DSCAM: variants seen among roughly 807,000 people sequenced by gnomAD.
DSCAM encodes the protein cell adhesion molecule DSCAM.
Under a neutral mutation model 217.7 loss-of-function variants are expected in DSCAM, and 47 were observed. The ratio of observed to expected loss-of-function variants is 0.22; its 90% CI spans 0.17 to 0.28. The LOEUF (loss-of-function observed/expected upper bound fraction) is 0.28. Among genes scored for constraint, DSCAM ranks in the 10% least tolerant of loss-of-function variants. The pLI is 1.00. For missense variants in DSCAM, 2,080 were observed against 2,618.3 expected, an observed-to-expected ratio of 0.79 and a Z score of 4.49; for synonymous variants, 1,056 against 1,015.3, an observed-to-expected ratio of 1.04 and a Z score of -0.76.
Position 40,306,836 on chromosome 21 carries a change from C to T in DSCAM, c.2062+5245G>A, listed in dbSNP as rs1471935723. On this transcript the variant is annotated intron_variant, in intron 9 of 32. Coordinates refer to ENST00000400454, the MANE Select transcript of DSCAM (RefSeq NM_001389.5). ...AAGCTTTTTGATGTGCTGCTGGATT[C>T]GGTTTGCCAGTATTTTATTGAGGAT... Among the ~76,000 whole-genome samples, 31 of 151,378 alleles carry T rather than the reference C, an allele frequency of 2.0e-4. No homozygotes were observed. In the East Asian group the frequency reaches 3.1e-3, roughly 15 times the overall value.
chr21:40,441,023 C>T (rs1357579588), intron 3 of DSCAM, among the ~76,000 whole-genome samples: 1 of 152,152 alleles, frequency 6.6e-6, no homozygotes, highest in Non-Finnish European at 1.5e-5. Flanking sequence ...CTTCTTTCCC[C>T]CAACCCCAAG....
At chr21:40,788,162 G>C (rs746030043) in intron 1 of DSCAM, among the ~76,000 whole-genome samples, 1 of 152,188 alleles carries the variant, frequency 6.6e-6, no homozygotes, top group Non-Finnish European at 1.5e-5. Flanking sequence ...TGAAATGAAT[G>C]CATGTTATTC....
At chr21:40,784,358 C>T (rs531893196) in intron 1 of DSCAM, among the ~76,000 whole-genome samples, 5 of 152,126 alleles carry the variant, frequency 3.3e-5, no homozygotes, top group Admixed American at 6.5e-5. Flanking sequence ...CCGTGTAAGG[C>T]GTGCCTTTCA....
chr21:40,827,831 T>C (rs2091982589), intron 1 of DSCAM, among the ~76,000 whole-genome samples: 1 of 152,200 alleles, frequency 6.6e-6, no homozygotes, highest in African/African-American at 2.4e-5. Flanking sequence ...CAAGCTGTGT[T>C]TGAGGCAAGT....
chr21:40,471,823 T>C (rs2075890936), intron 3 of DSCAM, among the ~76,000 whole-genome samples: 2 of 152,242 alleles, frequency 1.3e-5, no homozygotes, highest in Non-Finnish European at 2.9e-5. Flanking sequence ...CTTTAAGTTC[T>C]AGGGTACATG....
Position 40,814,251 on chromosome 21 carries a change from C to A in DSCAM, c.43+32368G>T, listed in dbSNP as rs570385567. 2.0e-5 allele frequency among the ~76,000 whole-genome samples: 3 copies of A among 152,348 alleles called. No homozygotes were observed. The South Asian group carries it at 6.2e-4, about 32-fold the overall frequency. ...GCGCATGAAGAACCGCAGAACCATG[C>A]AGACTCTCTGGCTCTGCACAGGTCC... On this transcript the variant is annotated intron_variant, in intron 1 of 32. Coordinates refer to ENST00000400454, the MANE Select transcript of DSCAM (RefSeq NM_001389.5).
intron 20 of DSCAM, among the ~76,000 whole-genome samples, chr21:40,096,681 G>A (rs1378971767): frequency 6.6e-6 from 1 of 151,758 alleles, no homozygotes; most frequent in Non-Finnish European, 1.5e-5. Flanking sequence ...AAGATACTCA[G>A]TGAATTCTAG....
intron 3 of DSCAM, among the ~76,000 whole-genome samples, chr21:40,628,692 GCTATCTATCTATCTATCTATCTAT>G (rs60453786): frequency 0.32 from 47,374 of 149,652 alleles, 7,841 homozygotes; most frequent in Non-Finnish European, 0.35. Flanking sequence ...ATAAGCACTT[GCTATCTATCTATCTATCTATCTAT>G]CTATCTATCT....
At chr21:40,219,448 G>A (rs889434380) in intron 11 of DSCAM, among the ~76,000 whole-genome samples, 4 of 152,108 alleles carry the variant, frequency 2.6e-5, no homozygotes, top group African/African-American at 4.8e-5. Context: ...ATTGAATTAG[G>A]CTGATGCACC....
intron 3 of DSCAM, among the ~76,000 whole-genome samples, chr21:40,639,689 A>ATGTG (rs56796261): frequency 0.21 from 31,947 of 150,272 alleles, 3,552 homozygotes; most frequent in South Asian, 0.25. Flanking sequence ...ATGTGTGTGC[A>ATGTG]TGTGTGTGTG....
intron 16 of DSCAM, among the ~76,000 whole-genome samples, chr21:40,162,584 G>T (rs946639873): frequency 6.6e-6 from 1 of 152,286 alleles, no homozygotes; most frequent in East Asian, 1.9e-4. Flanking sequence ...TTGTAATGAT[G>T]CCTCAATTAG....
Position 40,312,152 on chromosome 21 carries a change from T to C in DSCAM, c.1991A>G (p.Asn664Ser). 6.2e-7 allele frequency: 1 copy of C among 1,614,032 alleles called. No individual in the cohort carries two copies. Among genetic ancestry groups the C allele is most frequent in the Non-Finnish European group, 8.5e-7 (1 of 1,179,984 alleles). The change falls in exon 9 of 33, where the codon AAT becomes AGT. Residue 664 changes from asparagine to serine, a missense_variant. Asn to Ser is a conservative substitution (Grantham distance 46). Transcript: ENST00000400454. ...LRISNLSLMH[N>S]GNYTCIARNE... The stretch of plus-strand genomic sequence containing the variant: ...CCGGGCTATGCAGGTGTAATTCCCA[T>C]TGTGCATGAGCGAGAGATTGGAAAT...
intron 30 of DSCAM, among the ~76,000 whole-genome samples, chr21:40,049,692 A>G (rs1484313829): frequency 1.3e-5 from 2 of 152,172 alleles, no homozygotes; most frequent in Non-Finnish European, 2.9e-5. Context: ...ACGCATTAAC[A>G]TTCCCAGCCC....
intron 3 of DSCAM, among the ~76,000 whole-genome samples, chr21:40,408,374 A>G (rs1333763480): frequency 6.6e-6 from 1 of 152,124 alleles, no homozygotes; most frequent in African/African-American, 2.4e-5. Context: ...GAAACCATAC[A>G]TTCTGGAAAT....
intron 1 of DSCAM, among the ~76,000 whole-genome samples, chr21:40,807,667 A>T (rs2091800223): frequency 1.3e-5 from 2 of 152,198 alleles, no homozygotes; most frequent in Admixed American, 6.5e-5. Flanking sequence ...AAATAAAAAG[A>T]AGCCATCTTT....
intron 1 of DSCAM, among the ~76,000 whole-genome samples, chr21:40,716,583 C>T (rs2837794): frequency 0.12 from 18,240 of 152,076 alleles, 1,216 homozygotes; most frequent in African/African-American, 0.18. Flanking sequence ...CTGTAACAGA[C>T]GGCATAACCA....
intron 3 of DSCAM, among the ~76,000 whole-genome samples, chr21:40,654,656 T>C (rs1294983515): frequency 6.6e-6 from 1 of 152,192 alleles, no homozygotes; most frequent in Non-Finnish European, 1.5e-5. Flanking sequence ...TCTTGGTTCA[T>C]GGCTGCTTCC....
intron 20 of DSCAM, among the ~76,000 whole-genome samples, chr21:40,110,540 C>A (rs1322906480): frequency 6.6e-6 from 1 of 152,196 alleles, no homozygotes; most frequent in Middle Eastern, 3.2e-3. Flanking sequence ...TAGCTCCTCA[C>A]CAGCAACAGA....
intron 16 of DSCAM, among the ~76,000 whole-genome samples, chr21:40,166,214 G>C (rs922456652): frequency 4.3e-4 from 65 of 152,148 alleles, no homozygotes; most frequent in African/African-American, 1.5e-3. Flanking sequence ...TAGAAGAGGT[G>C]TGTGATGTGA....
Sources: allele counts gnomAD v4.1 joint callset (sites outside exome capture counted in the v4.1 genomes callset), GRCh38; gene constraint gnomAD v4.1.1; transcripts MANE v1.5; gene names NCBI Gene and HGNC (gene_info 2026-07-23, HGNC 2026-07-21).